The following KSR2 variants were observed in gnomAD, a reference collection of about 807,000 sequenced individuals.
The protein encoded by KSR2 is kinase suppressor of ras 2.
Under a neutral mutation model 107.8 loss-of-function variants are expected in KSR2, and 25 were observed. The ratio of observed to expected loss-of-function variants is 0.23; its 90% CI spans 0.17 to 0.32. The LOEUF (loss-of-function observed/expected upper bound fraction) is 0.32, where lower values mean the gene tolerates loss of function less well. Ranked by LOEUF, KSR2 falls within the 10% of genes least tolerant of loss-of-function variation. KSR2 has a pLI of 1.00. For synonymous variants in KSR2, 480 were observed against 507.0 expected, an observed-to-expected ratio of 0.95 and a Z score of 0.71; for missense variants, 887 against 1,268.9, an observed-to-expected ratio of 0.70 and a Z score of 4.57.
chr12:117,738,081 A>C (rs1888013940), intron 4 of KSR2, among the ~76,000 whole-genome samples: 1 of 152,146 alleles, frequency 6.6e-6, no homozygotes. Context: ...TGGGCAGAAG[A>C]CAACACTATC....
At chr12:117,546,160 T>C (rs934451307) in intron 9 of KSR2, among the ~76,000 whole-genome samples, 2 of 152,232 alleles carry the variant, frequency 1.3e-5, no homozygotes, top group Admixed American at 6.5e-5. Context: ...GGTGTACTTA[T>C]GGCAAACAGT....
At chr12:117,703,028 A>C (rs1414207468) in intron 4 of KSR2, among the ~76,000 whole-genome samples, 1 of 152,196 alleles carries the variant, frequency 6.6e-6, no homozygotes, top group East Asian at 1.9e-4. Context: ...CATTCTCTCC[A>C]GACTCAGACT....
intron 1 of KSR2, among the ~76,000 whole-genome samples, chr12:117,929,956 T>C (rs1275914172): frequency 1.3e-5 from 2 of 152,184 alleles, no homozygotes; most frequent in Non-Finnish European, 2.9e-5. Context: ...CATAGCACTG[T>C]GAATGTATTT....
intron 4 of KSR2, among the ~76,000 whole-genome samples, chr12:117,681,426 G>A (rs970909377): frequency 2.0e-5 from 3 of 152,136 alleles, no homozygotes; most frequent in African/African-American, 7.2e-5. Flanking sequence ...AGATTTGAAG[G>A]AAGAAGGATC....
At chr12:117,865,791 G>A (rs913936682) in intron 1 of KSR2, among the ~76,000 whole-genome samples, 2 of 152,126 alleles carry the variant, frequency 1.3e-5, no homozygotes, top group Admixed American at 1.3e-4. Context: ...GTGGAACCAT[G>A]GTACTACCTT....
Position 117,466,757 on chromosome 12 carries a change from C to T in KSR2, c.*442G>A, listed in dbSNP as rs550963687. On this transcript the variant is annotated 3_prime_UTR_variant, in exon 20 of 20. Coordinates refer to ENST00000339824, the MANE Select transcript of KSR2 (RefSeq NM_173598.6). ...CATACAGACAGAACTGAGGAGTGCCCCGTCATTGGGACAGTCTGGCTCTTG... is the reference window on the plus strand; with the variant it reads ...CATACAGACAGAACTGAGGAGTGCCTCGTCATTGGGACAGTCTGGCTCTTG... The T allele has an allele frequency of 1.7e-4, 27 of 160,952 alleles. No individual in the cohort carries two copies. The highest frequency in any genetic ancestry group is 3.4e-4 in the Non-Finnish European group (25 of 73,816). The allele number at this position is 160,952 out of a possible 1,614,324, so 10.0% of individuals were successfully genotyped here. A position where few individuals can be genotyped will look rare whatever the true frequency, so the allele number is the denominator to read the frequency against.
rs868152346 is a variant in KSR2 at position 117,855,539 on chromosome 12, C to T, written c.361G>A (p.Glu121Lys). 1.9e-6 allele frequency: 3 copies of T among 1,614,006 alleles called. No individual in the cohort carries two copies. Among genetic ancestry groups the T allele is most frequent in the Non-Finnish European group, 1.7e-6 (2 of 1,179,888 alleles). The change falls in exon 3 of 20, where the codon GAG (glutamate) becomes AAG (lysine). Residue 121 changes from glutamate (E) to lysine (K), a missense_variant. Physicochemically the swap from Glu to Lys is moderately conservative, Grantham distance 56 (BLOSUM62 1). Around this residue, in one of 8 missense-constraint regions of KSR2, gnomAD observed 399 missense variants for 479.5 expected, o/e 0.83. Coordinates refer to ENST00000339824, the MANE Select transcript of KSR2 (RefSeq NM_173598.6). ...PGQLSLEDLL[E>K]MTDEQVCETV... ...TCGCACACCTGTTCATCCGTCATCT[C>T]CAAGAGGTCCTCCAGGCTCAGCTGG... is the stretch of plus-strand genomic sequence containing the variant.
intron 4 of KSR2, among the ~76,000 whole-genome samples, chr12:117,734,133 T>C (rs995285764): frequency 1.3e-5 from 2 of 151,836 alleles, no homozygotes; most frequent in African/African-American, 4.8e-5. Context: ...ATATAAAAAT[T>C]AGTTGGGCAT....
intron 7 of KSR2, among the ~76,000 whole-genome samples, chr12:117,567,949 A>C (rs1878631600): frequency 1.3e-5 from 2 of 152,206 alleles, no homozygotes; most frequent in Admixed American, 1.3e-4. Flanking sequence ...CTCCAAGTAC[A>C]GGATATCAAA....
intron 14 of KSR2, among the ~76,000 whole-genome samples, chr12:117,514,526 T>TTTTC (rs1565879395): frequency 6.9e-6 from 1 of 145,364 alleles, no homozygotes; most frequent in Non-Finnish European, 1.5e-5. Flanking sequence ...TGTCTTTGGT[T>TTTTC]TCTCTCTCTC....
intron 4 of KSR2, among the ~76,000 whole-genome samples, chr12:117,734,929 G>C (rs1355621150): frequency 2.0e-5 from 3 of 152,270 alleles, no homozygotes; most frequent in Admixed American, 2.0e-4. Flanking sequence ...CTGTTTTGTG[G>C]TTACTTTGTG....
chr12:117,656,981 G>GAT (rs59605571), intron 5 of KSR2, among the ~76,000 whole-genome samples: 1,177 of 98,064 alleles, frequency 0.012, 22 homozygotes, highest in Non-Finnish European at 0.013. Context: ...TATATAATAG[G>GAT]ATATATATAT....
intron 1 of KSR2, among the ~76,000 whole-genome samples, chr12:117,906,118 A>G (rs1483008519): frequency 6.6e-6 from 1 of 152,152 alleles, no homozygotes; most frequent in African/African-American, 2.4e-5. Context: ...CGGGAGGCCG[A>G]GGCGGGCAGA....
chr12:117,909,482 G>A (rs747404693), intron 1 of KSR2, among the ~76,000 whole-genome samples: 8 of 152,190 alleles, frequency 5.3e-5, no homozygotes, highest in East Asian at 1.9e-4. Flanking sequence ...ATTGTTTACC[G>A]AAGTGTGGTA....
intron 10 of KSR2, among the ~76,000 whole-genome samples, chr12:117,538,998 T>C (rs1876259788): frequency 6.6e-6 from 1 of 152,188 alleles, no homozygotes; most frequent in African/African-American, 2.4e-5. Context: ...ATCCCATTCT[T>C]AGGTCTAATG....
chr12:117,678,693 G>A (rs890370724), intron 4 of KSR2, among the ~76,000 whole-genome samples: 2 of 152,146 alleles, frequency 1.3e-5, no homozygotes, highest in African/African-American at 4.8e-5. Context: ...CTCAGAGATT[G>A]AGCCAAGTAA....
At chr12:117,505,492 C>T (rs1873625912) in intron 14 of KSR2, among the ~76,000 whole-genome samples, 1 of 152,210 alleles carries the variant, frequency 6.6e-6, no homozygotes, top group African/African-American at 2.4e-5. Flanking sequence ...CCCATGGAAC[C>T]CTGGGCAAAT....
intron 14 of KSR2, among the ~76,000 whole-genome samples, chr12:117,504,278 T>G (rs917684200): frequency 1.3e-5 from 2 of 152,188 alleles, no homozygotes; most frequent in Non-Finnish European, 2.9e-5. Flanking sequence ...TTACGAATAT[T>G]TCCATTAGCC....
intron 14 of KSR2, among the ~76,000 whole-genome samples, chr12:117,507,522 G>A (rs1873772598): frequency 6.6e-6 from 1 of 152,190 alleles, no homozygotes; most frequent in South Asian, 2.1e-4. Context: ...AGAGGCCAAG[G>A]TGTACTCCTT....
Sources: gnomAD v4.1 joint callset for allele counts (sites outside exome capture counted in the v4.1 genomes callset) on GRCh38, gnomAD v4.1.1 for gene constraint, gnomAD v4.1.1 regional missense constraint, MANE v1.5 for transcripts, NCBI Gene and HGNC (gene_info 2026-07-23, HGNC 2026-07-21) for gene names.